THRB: variants seen among roughly 807,000 people sequenced by gnomAD.
THRB encodes the protein nuclear receptor subfamily 1 group A member 2.
Under a neutral mutation model 47.8 loss-of-function variants are expected in THRB, and 12 were observed. That is an observed-to-expected ratio of 0.25 (90% CI 0.16 to 0.41). The LOEUF is 0.41. THRB is among the 10% of genes least tolerant of loss of function. The pLI is 1.00. For synonymous variants in THRB, 218 were observed against 212.2 expected, an observed-to-expected ratio of 1.03 and a Z score of -0.24; for missense variants, 348 against 589.2, an observed-to-expected ratio of 0.59 and a Z score of 4.24.
rs145915788 is a variant in THRB at position 24,444,596 on chromosome 3, T to C, written c.-261+50056A>G. 6.2e-3 allele frequency among the ~76,000 whole-genome samples: 945 copies of C among 152,332 alleles called. 14 individuals are homozygous for C. Among genetic ancestry groups the C allele is most frequent in the African/African-American group, 0.021 (857 of 41,562 alleles). On this transcript the variant is annotated intron_variant, in intron 1 of 10. Transcript: ENST00000646209. ...AATTTGCACATAATTCTATACAAAG[T>C]ACAACAAGTTTTGTTTTGTTTTTTG...
intron 1 of THRB, among the ~76,000 whole-genome samples, chr3:24,419,969 C>T (rs944312081): frequency 7.2e-5 from 11 of 151,804 alleles, no homozygotes; most frequent in African/African-American, 2.7e-4. Context: ...ATCGAGGCTC[C>T]ACCTCTTCCC....
chr3:24,171,000 T>C (rs1175894540), intron 5 of THRB, among the ~76,000 whole-genome samples: 1 of 152,206 alleles, frequency 6.6e-6, no homozygotes, highest in Non-Finnish European at 1.5e-5. Context: ...GAGATAGAGC[T>C]GTTTATTAAA....
At chr3:24,222,338 G>T (rs2047231930) in intron 4 of THRB, among the ~76,000 whole-genome samples, 1 of 152,346 alleles carries the variant, frequency 6.6e-6, no homozygotes, top group South Asian at 2.1e-4. Flanking sequence ...TGTTTATTTT[G>T]CTGAGTGGGG....
intron 2 of THRB, among the ~76,000 whole-genome samples, chr3:24,301,347 C>T (rs918703414): frequency 4.6e-5 from 7 of 152,148 alleles, no homozygotes; most frequent in Non-Finnish European, 8.8e-5. Flanking sequence ...TGAGGTTGAG[C>T]GTATTTTCAT....
chr3:24,397,679 T>G (rs1396463709), intron 1 of THRB, among the ~76,000 whole-genome samples: 1 of 147,614 alleles, frequency 6.8e-6, no homozygotes, highest in Non-Finnish European at 1.5e-5. Flanking sequence ...GCCTCCTGGG[T>G]TCAAGCGATT....
chr3:24,393,725 G>T (rs556356139), intron 1 of THRB, among the ~76,000 whole-genome samples: 1 of 152,258 alleles, frequency 6.6e-6, no homozygotes, highest in East Asian at 1.9e-4. Context: ...TTTTACTTAA[G>T]GTGGCAGGAA....
At chr3:24,454,689 C>T (rs1261480337) in intron 1 of THRB, among the ~76,000 whole-genome samples, 1 of 152,074 alleles carries the variant, frequency 6.6e-6, no homozygotes, top group African/African-American at 2.4e-5. Flanking sequence ...AATTTATAAT[C>T]TCTCTCTCTT....
chr3:24,410,381 AT>A (rs2068187701), intron 1 of THRB, among the ~76,000 whole-genome samples: 1 of 151,850 alleles, frequency 6.6e-6, no homozygotes, highest in East Asian at 1.9e-4. Context: ...AAATGCAAAT[AT>A]TCCAAAAGCA....
Position 24,285,348 on chromosome 3 carries a change from C to T in THRB, c.-43+11878G>A, listed in dbSNP as rs147385394. ...ATCACAAGAACAAAAAACCAAACAC[C>T]GCATATTCTCACTCATAGGTGGGAA... On this transcript the variant is annotated intron_variant, in intron 3 of 10. Coordinates refer to ENST00000646209, the MANE Select transcript of THRB (RefSeq NM_001354712.2). Among the ~76,000 whole-genome samples the T allele has an allele frequency of 2.6e-3, 396 of 149,586 alleles. 9 individuals are homozygous for T. The highest frequency in any genetic ancestry group is 0.025 in the East Asian group (129 of 5,070).
At chr3:24,309,252 C>G (rs2057575595) in intron 2 of THRB, among the ~76,000 whole-genome samples, 1 of 152,164 alleles carries the variant, frequency 6.6e-6, no homozygotes, top group Non-Finnish European at 1.5e-5. Flanking sequence ...TACATTGATT[C>G]ATGCACACAC....
chr3:24,310,450 T>C (rs1439919454), intron 2 of THRB, among the ~76,000 whole-genome samples: 24 of 152,218 alleles, frequency 1.6e-4, no homozygotes, highest in Admixed American at 1.6e-3. Context: ...ACTCATTTGC[T>C]CTACAGCAGT....
chr3:24,196,652 C>A (rs1412674088), intron 4 of THRB, among the ~76,000 whole-genome samples: 1 of 152,092 alleles, frequency 6.6e-6, no homozygotes, highest in African/African-American at 2.4e-5. Context: ...GGCTAAGAAC[C>A]TGGGATGAGT....
chr3:24,310,069 C>T (rs1337578738), intron 2 of THRB, among the ~76,000 whole-genome samples: 1 of 150,734 alleles, frequency 6.6e-6, no homozygotes, highest in South Asian at 2.1e-4. Context: ...AGCCATATAT[C>T]ACATTGGAAG....
chr3:24,464,724 A>C (rs1156771897), intron 1 of THRB, among the ~76,000 whole-genome samples: 1 of 152,084 alleles, frequency 6.6e-6, no homozygotes, highest in East Asian at 1.9e-4. Context: ...TCTCTATTGA[A>C]TTGATTATTG....
At chr3:24,234,370 G>A (rs2048656286) in intron 3 of THRB, among the ~76,000 whole-genome samples, 1 of 152,120 alleles carries the variant, frequency 6.6e-6, no homozygotes, top group Non-Finnish European at 1.5e-5. Context: ...GATATAAGTT[G>A]ATGTAAATGT....
At chr3:24,308,556 T>C (rs931607138) in intron 2 of THRB, among the ~76,000 whole-genome samples, 8 of 152,160 alleles carry the variant, frequency 5.3e-5, no homozygotes, top group Non-Finnish European at 1.0e-4. Flanking sequence ...AAAAGTAAAT[T>C]TGAGGCATGT....
rs146606224 is a variant in THRB, at chr3:24,142,955, T to C, written c.738+546A>G. 5.7e-3 allele frequency among the ~76,000 whole-genome samples: 875 copies of C among 152,340 alleles called. 7 individuals carry two copies. Among genetic ancestry groups the C allele is most frequent in the Middle Eastern group, 0.031 (9 of 294 alleles). On this transcript the variant is annotated intron_variant, in intron 8 of 10. Coordinates refer to ENST00000646209, the MANE Select transcript of THRB (RefSeq NM_001354712.2). ...ATTGCAAGGGTCTGGAAGGTCTTTTTTCTCTACACACTCGTGCCCACCAAC... is the reference window on the plus strand; with the variant it reads ...ATTGCAAGGGTCTGGAAGGTCTTTTCTCTCTACACACTCGTGCCCACCAAC...
chr3:24,216,833 G>A (rs2046616130), intron 4 of THRB, among the ~76,000 whole-genome samples: 2 of 152,098 alleles, frequency 1.3e-5, no homozygotes, highest in South Asian at 4.1e-4. Context: ...AGAGCATGGT[G>A]TTAAATGATT....
At chr3:24,395,218 T>G (rs761671583) in intron 1 of THRB, among the ~76,000 whole-genome samples, 1 of 152,212 alleles carries the variant, frequency 6.6e-6, no homozygotes, top group East Asian at 1.9e-4. Context: ...TATGCAAAGC[T>G]TTTTTTAGAT....
Sources: gnomAD v4.1 joint callset for allele counts (sites outside exome capture counted in the v4.1 genomes callset) on GRCh38, gnomAD v4.1.1 for gene constraint, MANE v1.5 for transcripts, NCBI Gene and HGNC (gene_info 2026-07-23, HGNC 2026-07-21) for gene names.